The following COBL variants were observed in gnomAD, a reference collection of about 807,000 sequenced individuals.
COBL encodes cordon-bleu WH2 repeat protein.
In COBL, 51 loss-of-function variants were observed where a neutral mutation model predicts 98.8. That is an observed-to-expected ratio of 0.52 (90% CI 0.41 to 0.65). The LOEUF is 0.65. COBL is among the 30% of genes least tolerant of loss of function. The probability of loss-of-function intolerance (pLI) is 0.00; values close to 1 mark genes in which losing one functional copy is unlikely to be tolerated. For missense variants in COBL, 1,617 were observed against 1,617.5 expected, an observed-to-expected ratio of 1.00 and a Z score of 0.01; for synonymous variants, 634 against 651.7, an observed-to-expected ratio of 0.97 and a Z score of 0.41.
Position 51,061,981 on chromosome 7 carries a change from A to ACACACACACT in COBL, c.1097-18290_1097-18289insAGTGTGTGTG, listed in dbSNP as rs1322943132. The stretch of plus-strand genomic sequence containing the variant: ...CACACACACACACACACACACACAC[A>ACACACACACT]CTCATAAATATATCCTATTGTTCTG... On this transcript the variant is annotated intron_variant, in intron 7 of 12. Transcript: ENST00000265136. Among the ~76,000 whole-genome samples the ACACACACACT allele has an allele frequency of 1.9e-3, 281 of 150,616 alleles. 1 individual carries two copies. The highest frequency in any genetic ancestry group is 6.8e-3 in the Middle Eastern group (2 of 294).
Position 51,316,646 on chromosome 7 carries a change from C to A in COBL, c.-13G>T. ...GCGGCGCGTCCATGGTGCCGGGGGC[C>A]GGGACGCGGGCGGTGCTCCGGGCCC... On this transcript the variant is annotated 5_prime_UTR_variant, in exon 1 of 13. Transcript: ENST00000265136. The A allele has an allele frequency of 2.5e-6, 3 of 1,195,492 alleles. No individual in the cohort carries two copies. Among genetic ancestry groups the A allele is most frequent in the Non-Finnish European group, 3.1e-6 (3 of 964,482 alleles). 74.1% of individuals were successfully genotyped at this position (1,195,492 alleles called of 1,614,324 possible).
chr7:51,140,318 C>A (rs1799615149), intron 5 of COBL, among the ~76,000 whole-genome samples: 1 of 152,052 alleles, frequency 6.6e-6, no homozygotes, highest in African/African-American at 2.4e-5. Context: ...GTCCATGTCA[C>A]CACACCACTG....
At chr7:51,229,474 C>A (rs2129102207) in intron 1 of COBL, among the ~76,000 whole-genome samples, 1 of 152,308 alleles carries the variant, frequency 6.6e-6, no homozygotes, top group Non-Finnish European at 1.5e-5. Flanking sequence ...ACTTCCTTTT[C>A]CCAAGGTGCA....
chr7:51,264,146 C>A (rs1268780198), intron 1 of COBL, among the ~76,000 whole-genome samples: 3 of 152,112 alleles, frequency 2.0e-5, no homozygotes, highest in Non-Finnish European at 4.4e-5. Flanking sequence ...AATCGCAGCC[C>A]CCAAGCCTCA....
intron 7 of COBL, among the ~76,000 whole-genome samples, chr7:51,075,710 C>T (rs560851059): frequency 6.6e-6 from 1 of 152,278 alleles, no homozygotes; most frequent in Admixed American, 6.5e-5. Context: ...AAGTTAGGGA[C>T]ATTGTACCTT....
At chr7:51,036,288 G>C (rs1204884312) in intron 8 of COBL, among the ~76,000 whole-genome samples, 3 of 128,118 alleles carry the variant, frequency 2.3e-5, no homozygotes, top group Non-Finnish European at 1.5e-5. Flanking sequence ...AGTGAGCCAA[G>C]ATCGCACCAC....
chr7:51,159,276 G>C (rs1375786289), intron 5 of COBL, among the ~76,000 whole-genome samples: 1 of 152,206 alleles, frequency 6.6e-6, no homozygotes, highest in Non-Finnish European at 1.5e-5. Context: ...AGGTGACAAG[G>C]CCAGGCTGTG....
At chr7:51,154,602 CCT>C (rs1211821974) in intron 5 of COBL, among the ~76,000 whole-genome samples, 1 of 152,236 alleles carries the variant, frequency 6.6e-6, no homozygotes, top group Non-Finnish European at 1.5e-5. Context: ...CACCTCCCCT[CCT>C]CTCTGAGAAT....
At chr7:51,242,087 G>GT (rs1412873290) in intron 1 of COBL, among the ~76,000 whole-genome samples, 1 of 152,176 alleles carries the variant, frequency 6.6e-6, no homozygotes, top group Non-Finnish European at 1.5e-5. Context: ...CTTCATTTGC[G>GT]TAAGAGTATA....
At chr7:51,131,740 T>C (rs1562948209) in intron 6 of COBL, among the ~76,000 whole-genome samples, 1 of 152,156 alleles carries the variant, frequency 6.6e-6, no homozygotes, top group Non-Finnish European at 1.5e-5. Flanking sequence ...ATTACAGGCA[T>C]CCGCCACCAC....
chr7:51,077,752 G>T (rs1347483728), intron 7 of COBL, among the ~76,000 whole-genome samples: 1 of 152,218 alleles, frequency 6.6e-6, no homozygotes, highest in African/African-American at 2.4e-5. Flanking sequence ...ACTGCTAGGA[G>T]CATTTCTAAT....
chr7:51,189,892 A>T (rs138240938), intron 4 of COBL, among the ~76,000 whole-genome samples: 1 of 152,230 alleles, frequency 6.6e-6, no homozygotes, highest in Non-Finnish European at 1.5e-5. Flanking sequence ...TTAGCACTCT[A>T]TATCAATCAG....
chr7:51,199,201 C>T (rs905092332), intron 2 of COBL, among the ~76,000 whole-genome samples: 21 of 152,214 alleles, frequency 1.4e-4, no homozygotes, highest in African/African-American at 4.3e-4. Flanking sequence ...TATTCATACC[C>T]TTGGTGACAG....
At chr7:51,257,750 C>A (rs1797328602) in intron 1 of COBL, among the ~76,000 whole-genome samples, 1 of 151,550 alleles carries the variant, frequency 6.6e-6, no homozygotes, top group African/African-American at 2.4e-5. Context: ...TTAATCACAC[C>A]AAATATGAAA....
chr7:51,172,999 G>A (rs1788028786), intron 5 of COBL, among the ~76,000 whole-genome samples: 1 of 151,914 alleles, frequency 6.6e-6, no homozygotes, highest in African/African-American at 2.4e-5. Flanking sequence ...ATGTTGGCCA[G>A]GCTGTTCTCG....
At chr7:51,115,318 T>C (rs921527532) in intron 6 of COBL, among the ~76,000 whole-genome samples, 1 of 152,094 alleles carries the variant, frequency 6.6e-6, no homozygotes, top group African/African-American at 2.4e-5. Context: ...CTTTCTTGGA[T>C]TTATTTTGTT....
rs6969925 is a variant in COBL, at chr7:51,062,599, G to C, written c.1097-18907C>G. Among the ~76,000 whole-genome samples, 862 of 152,354 alleles carry C rather than the reference G, an allele frequency of 5.7e-3. 4 individuals carry two copies. The highest frequency in any genetic ancestry group is 0.02 in the African/African-American group (826 of 41,580). ...AGCCACACTGGCTGAAGCATTCCCAGACAACATCATGGCTTATTTACTTGT... is the reference window on the plus strand; with the variant it reads ...AGCCACACTGGCTGAAGCATTCCCACACAACATCATGGCTTATTTACTTGT... On this transcript the variant is annotated intron_variant, in intron 7 of 12. Transcript: ENST00000265136.
chr7:51,189,374 C>T (rs1032038908), intron 4 of COBL, among the ~76,000 whole-genome samples: 2 of 152,222 alleles, frequency 1.3e-5, no homozygotes, highest in African/African-American at 4.8e-5. Context: ...TGGCTCAGGC[C>T]TGTAATCCCA....
intron 5 of COBL, among the ~76,000 whole-genome samples, chr7:51,166,947 C>T (rs1318804011): frequency 6.6e-6 from 1 of 152,054 alleles, no homozygotes; most frequent in Admixed American, 6.6e-5. Context: ...ATAGAAGTAA[C>T]ATATCTTAAC....
Sources: gnomAD v4.1 joint callset for allele counts (sites outside exome capture counted in the v4.1 genomes callset) on GRCh38, gnomAD v4.1.1 for gene constraint, MANE v1.5 for transcripts, NCBI Gene and HGNC (gene_info 2026-07-23, HGNC 2026-07-21) for gene names.